SLC35F4: variants seen among roughly 807,000 people sequenced by gnomAD.
SLC35F4 encodes the protein solute carrier family 35 member F4.
A neutral mutation model predicts 44.2 loss-of-function variants in SLC35F4; 24 were observed. The observed-to-expected ratio is 0.54, with a 90% confidence interval of 0.39 to 0.76. SLC35F4 has a LOEUF of 0.76. SLC35F4 is among the 30% of genes least tolerant of loss of function. The pLI is 0.00. For missense variants in SLC35F4, 562 were observed against 586.1 expected (o/e 0.96, Z 0.42); for synonymous variants, 238 against 223.6 (o/e 1.06, Z -0.57).
At position 57,851,044 on chromosome 14, in the gene SLC35F4, T is replaced by G. The variant is rs1281018212; in HGVS notation, c.103+14679A>C. ...TTTCATTTGCTATCTCATATCCTTG[T>G]GAGTCAACATTTTTAGAAGGTGTTA... is the stretch of plus-strand genomic sequence containing the variant. On this transcript the variant is annotated intron_variant, in intron 1 of 7. Coordinates refer to ENST00000556826, the MANE Select transcript of SLC35F4 (RefSeq NM_001306087.2). Among the ~76,000 whole-genome samples the G allele has an allele frequency of 3.5e-4, 53 of 152,216 alleles. 1 individual carries two copies. Among genetic ancestry groups the G allele is most frequent in the Admixed American group, 3.5e-3 (53 of 15,278 alleles).
chr14:57,609,205 T>C (rs915596402), intron 1 of SLC35F4, among the ~76,000 whole-genome samples: 2 of 152,124 alleles, frequency 1.3e-5, no homozygotes, highest in African/African-American at 4.8e-5. Flanking sequence ...ATATGGCAGA[T>C]TCAGATAATT....
chr14:57,568,933 C>G (rs1359764697), intron 6 of SLC35F4, among the ~76,000 whole-genome samples: 1 of 152,128 alleles, frequency 6.6e-6, no homozygotes, highest in Admixed American at 6.5e-5. Flanking sequence ...TGTTTTTTAA[C>G]TGCTTGGTGA....
intron 1 of SLC35F4, among the ~76,000 whole-genome samples, chr14:57,912,209 C>T (rs1361006632): frequency 6.6e-6 from 1 of 151,976 alleles, no homozygotes; most frequent in Admixed American, 6.5e-5. Context: ...AAAGAACCAG[C>T]TTTGGGTTAA....
chr14:57,614,080 T>C (rs746696464), intron 1 of SLC35F4, among the ~76,000 whole-genome samples: 1 of 152,198 alleles, frequency 6.6e-6, no homozygotes, highest in Non-Finnish European at 1.5e-5. Context: ...TCTAAATGCA[T>C]TTCCCCACAT....
chr14:57,865,136 C>A (rs1161388124), intron 1 of SLC35F4, among the ~76,000 whole-genome samples: 1 of 134,624 alleles, frequency 7.4e-6, no homozygotes, highest in Non-Finnish European at 1.6e-5. Context: ...TGAGCAGGTT[C>A]TTTTCTCTTC....
intron 1 of SLC35F4, among the ~76,000 whole-genome samples, chr14:57,703,034 A>T (rs2075581917): frequency 6.6e-6 from 1 of 150,642 alleles, no homozygotes. Context: ...GCACACATAA[A>T]TATAAAATGA....
intron 1 of SLC35F4, among the ~76,000 whole-genome samples, chr14:57,724,564 G>A (rs934048877): frequency 6.6e-6 from 1 of 152,110 alleles, no homozygotes; most frequent in African/African-American, 2.4e-5. Flanking sequence ...ATACGTGATT[G>A]GGCTCAAGCA....
chr14:57,700,213 A>T (rs1205398640), intron 1 of SLC35F4, among the ~76,000 whole-genome samples: 1 of 152,208 alleles, frequency 6.6e-6, no homozygotes, highest in African/African-American at 2.4e-5. Context: ...TAGCATACAA[A>T]CCCCTACAGC....
chr14:57,785,368 C>T (rs2077729559), intron 1 of SLC35F4, among the ~76,000 whole-genome samples: 1 of 152,158 alleles, frequency 6.6e-6, no homozygotes, highest in African/African-American at 2.4e-5. Context: ...TGCCTGCTTC[C>T]CCTGACAATG....
intron 1 of SLC35F4, among the ~76,000 whole-genome samples, chr14:57,814,143 A>G (rs1882302648): frequency 6.6e-6 from 1 of 152,198 alleles, no homozygotes. Flanking sequence ...TGTCTCTTGC[A>G]TTTGCTTGCA....
chr14:57,937,154 G>A (rs537702913), intron 1 of SLC35F4, among the ~76,000 whole-genome samples: 3 of 149,478 alleles, frequency 2.0e-5, no homozygotes, highest in South Asian at 2.1e-4. Flanking sequence ...GGCAACCTCC[G>A]CTTCCCAGGT....
Position 57,674,874 on chromosome 14 carries a change from AC to A in SLC35F4, c.104-80751del, listed in dbSNP as rs536828592. On this transcript the variant is annotated intron_variant, in intron 1 of 7. Coordinates refer to ENST00000556826, the MANE Select transcript of SLC35F4 (RefSeq NM_001306087.2). ...TGAAGAGGATCCCTAAGCTTAGTGA[AC>A]CTGCATCTTCTATAGTACTCTTTGC... Among the ~76,000 whole-genome samples the A allele has an allele frequency of 3.6e-3, 552 of 152,216 alleles. 2 individuals are homozygous for A. The highest frequency in any genetic ancestry group is 5.9e-3 in the Non-Finnish European group (403 of 68,020).
intron 3 of SLC35F4, among the ~76,000 whole-genome samples, chr14:57,585,991 T>C (rs1159082704): frequency 6.6e-6 from 1 of 152,176 alleles, no homozygotes; most frequent in African/African-American, 2.4e-5. Flanking sequence ...AAACTTCATC[T>C]GAAACCTAAA....
At chr14:57,718,703 C>T (rs925735478) in intron 1 of SLC35F4, among the ~76,000 whole-genome samples, 8 of 152,112 alleles carry the variant, frequency 5.3e-5, no homozygotes, top group African/African-American at 1.4e-4. Context: ...AGATTTTTTC[C>T]TATAGAGTTG....
rs58754454 is a variant in SLC35F4 at position 57,597,479 on chromosome 14, C to G, written c.104-3355G>C. 1.8e-3 allele frequency among the ~76,000 whole-genome samples: 273 copies of G among 152,294 alleles called. 2 individuals carry two copies. Among genetic ancestry groups the G allele is most frequent in the Middle Eastern group, 6.8e-3 (2 of 294 alleles). On this transcript the variant is annotated intron_variant, in intron 1 of 7. Transcript: ENST00000556826. ...TTATGGGGCAGGTATTGTGTCAGGACCAGAGTTAGACAAATGAAGAATAGT... is the reference window on the plus strand; with the variant it reads ...TTATGGGGCAGGTATTGTGTCAGGAGCAGAGTTAGACAAATGAAGAATAGT...
chr14:57,924,929 G>GT (rs1217871353), intron 1 of SLC35F4, among the ~76,000 whole-genome samples: 12 of 151,510 alleles, frequency 7.9e-5, no homozygotes, highest in South Asian at 2.1e-4. Flanking sequence ...GTTTGTTTTT[G>GT]TTTTTTTTAA....
At chr14:57,737,599 C>G (rs2076501227) in intron 1 of SLC35F4, among the ~76,000 whole-genome samples, 1 of 152,232 alleles carries the variant, frequency 6.6e-6, no homozygotes. Flanking sequence ...CGTAAGTACT[C>G]ACCAAAGCCT....
chr14:57,746,003 T>A (rs868598857), intron 1 of SLC35F4, among the ~76,000 whole-genome samples: 1 of 151,858 alleles, frequency 6.6e-6, no homozygotes, highest in East Asian at 1.9e-4. Context: ...AAACACCACA[T>A]GTTCTCACTC....
intron 1 of SLC35F4, among the ~76,000 whole-genome samples, chr14:57,684,470 A>T (rs1331485793): frequency 6.6e-6 from 1 of 152,188 alleles, no homozygotes; most frequent in Non-Finnish European, 1.5e-5. Flanking sequence ...TGCAGTTCAC[A>T]ATAGGGTTCG....
Sources: allele counts gnomAD v4.1 joint callset (sites outside exome capture counted in the v4.1 genomes callset), GRCh38; gene constraint gnomAD v4.1.1; transcripts MANE v1.5; gene names NCBI Gene and HGNC (gene_info 2026-07-23, HGNC 2026-07-21).